TRAF1: variants seen among roughly 807,000 people sequenced by gnomAD.
The protein encoded by TRAF1 is TNF receptor-associated factor 1.
A neutral mutation model predicts 40.9 loss-of-function variants in TRAF1; 23 were observed. The observed-to-expected ratio is 0.56, with a 90% CI of 0.40 to 0.80. The LOEUF (loss-of-function observed/expected upper bound fraction) is 0.80, where lower values mean the gene tolerates loss of function less well. Ranked by LOEUF, TRAF1 falls within the 30% of genes least tolerant of loss-of-function variation. TRAF1 has a pLI of 0.00. For missense variants in TRAF1, 477 were observed against 528.7 expected (o/e 0.90, Z 0.96); for synonymous variants, 206 against 218.8 (o/e 0.94, Z 0.52).
In TRAF1 at chr9:120,911,460, C is replaced by T; in HGVS notation, c.759G>A (p.Leu253=). Residue 253 remains leucine (L), a synonymous_variant, in exon 6 of 8, where the codon CTG becomes CTA. Transcript: ENST00000373887. ...CCTCCATGAGGCGCAAGCTCTGCTC[C>T]AGCTTGCCCAGGGCCTGGTCTTTCT... ...LAQKDQALGK[L]EQSLRLMEEA... 6.2e-7 allele frequency: 1 copy of T among 1,613,470 alleles called. No individual in the cohort carries two copies.
At chr9:120,917,995 T>C (rs979137287) in intron 3 of TRAF1, among the ~76,000 whole-genome samples, 1 of 152,022 alleles carries the variant, frequency 6.6e-6, no homozygotes, top group Admixed American at 6.6e-5. Context: ...CCTAATGCAA[T>C]GTGACTGGTA....
intron 5 of TRAF1, among the ~76,000 whole-genome samples, chr9:120,912,011 G>C (rs550271394): frequency 1.3e-5 from 2 of 152,234 alleles, no homozygotes; most frequent in Non-Finnish European, 2.9e-5. Context: ...TAAAGCCTCA[G>C]CCACTCCAAC....
intron 3 of TRAF1, among the ~76,000 whole-genome samples, chr9:120,919,750 G>A (rs1208318363): frequency 6.6e-6 from 1 of 152,200 alleles, no homozygotes; most frequent in Non-Finnish European, 1.5e-5. Flanking sequence ...TGATTCTCCT[G>A]GTTGAACATA....
In TRAF1 at chr9:120,914,275, C is replaced by T. The variant is rs373237548; in HGVS notation, c.254G>A (p.Gly85Glu). 2.4e-5 allele frequency: 37 copies of T among 1,534,606 alleles called. No individual in the cohort carries two copies. The Admixed American group carries it at 5.1e-4, about 21-fold the overall frequency. ...EKAHPEVAEA[G>E]IGCPFAGVGC... ...GACACCTGCAAAGGGGCACCCAATT[C>T]CAGCCTCAGCCACCTCGGGGTGAGC... The change falls in exon 4 of 8, where the codon GGA (glycine) becomes GAA (glutamate). Residue 85 changes from glycine (G) to glutamate (E), a missense_variant. Physicochemically the swap from Gly to Glu is moderately conservative, Grantham distance 98. Transcript: ENST00000373887.
At chr9:120,919,974 G>A (rs1241663766) in intron 3 of TRAF1, among the ~76,000 whole-genome samples, 1 of 152,152 alleles carries the variant, frequency 6.6e-6, no homozygotes, top group Admixed American at 6.5e-5. Context: ...TCCTCATGGA[G>A]CCTCAAAATA....
intron 3 of TRAF1, among the ~76,000 whole-genome samples, chr9:120,917,676 G>A (rs925234590): frequency 1.3e-5 from 2 of 152,130 alleles, no homozygotes; most frequent in Non-Finnish European, 2.9e-5. Flanking sequence ...GCTTCTCAGG[G>A]CTGCCTGCAC....
intron 6 of TRAF1, 67 bp from the exon 7 acceptor site, chr9:120,909,445 T>A: frequency 6.3e-7 from 1 of 1,575,406 alleles, no homozygotes; most frequent in Admixed American, 1.7e-5. Flanking sequence ...TGGGATCCAG[T>A]GGTCAGGCAT....
chr9:120,913,429 C>A lies in TRAF1; in HGVS notation c.604G>T (p.Ala202Ser). The change falls in exon 5 of 8, where the codon GCT becomes TCT. Residue 202 changes from alanine to serine, a missense_variant. Ala to Ser is a moderately conservative substitution (Grantham distance 99). Transcript: ENST00000373887. ...GKLRVFENIV[A>S]VLNKEVEASH... Reference sequence around the variant, plus strand: ...GCCTCCACCTCCTTGTTGAGGACAGCAACAATGTTCTCAAACACACGCAGC... The same window carrying A: ...GCCTCCACCTCCTTGTTGAGGACAGAAACAATGTTCTCAAACACACGCAGC... 1 of 1,613,990 alleles carries A rather than the reference C, an allele frequency of 6.2e-7. No homozygotes were observed. The highest frequency in any genetic ancestry group is 8.5e-7 in the Non-Finnish European group (1 of 1,180,036).
At chr9:120,909,198 C>T (rs1588148330) in intron 7 of TRAF1, 32 bp downstream of exon 7, 26 of 1,605,908 alleles carry the variant, frequency 1.6e-5, no homozygotes, top group Non-Finnish European at 2.2e-5. Context: ...TCCATGCTCC[C>T]CACCTTACCC....
At chr9:120,920,686 C>T (rs2046599130) in intron 3 of TRAF1, among the ~76,000 whole-genome samples, 1 of 152,240 alleles carries the variant, frequency 6.6e-6, no homozygotes, top group Admixed American at 6.5e-5. Flanking sequence ...CCTCTAATAT[C>T]TGCTTCTTAC....
Position 120,911,512 on chromosome 9 carries a change from A to G in TRAF1, c.707T>C (p.Val236Ala). The G allele has an allele frequency of 3.1e-6, 5 of 1,609,314 alleles. No homozygotes were observed. Among genetic ancestry groups the G allele is most frequent in the Non-Finnish European group, 4.2e-6 (5 of 1,177,024 alleles). Reference protein sequence around the residue: ...RERILSLEQRVVELQQTLAQK... With the variant: ...RERILSLEQRAVELQQTLAQK... ...GGCCAGGGTCTGCTGAAGCTCCACC[A>G]CCTGTAGGGAAGACTGTTCAGCCAG... The change falls in exon 6 of 8, where the codon GTG becomes GCG. Residue 236 changes from valine to alanine, a missense_variant and splice_region_variant. Coordinates refer to ENST00000373887, the MANE Select transcript of TRAF1 (RefSeq NM_005658.5).
In TRAF1 at chr9:120,904,782, G is replaced by A. The variant is rs567353033; in HGVS notation, c.*238C>T. ...CTGGCCTCCCAGTGTCGCATGGTCC[G>A]TGCAGAGGGGAGCAGCTCTGCCTGT... is the stretch of plus-strand genomic sequence containing the variant. On this transcript the variant is annotated 3_prime_UTR_variant, in exon 8 of 8. Transcript: ENST00000373887. The A allele has an allele frequency of 6.2e-4, 349 of 566,662 alleles. 1 individual carries two copies. The highest frequency in any genetic ancestry group is 9.4e-4 in the Non-Finnish European group (297 of 316,334). 35.1% of individuals were successfully genotyped at this position (566,662 alleles called of 1,614,324 possible).
In TRAF1 at chr9:120,919,401, GC is replaced by G. The variant is rs376296614; in HGVS notation, c.228+4303del. Among the ~76,000 whole-genome samples, 995 of 152,308 alleles carry G rather than the reference GC, an allele frequency of 6.5e-3. 11 individuals are homozygous for G. Among genetic ancestry groups the G allele is most frequent in the Non-Finnish European group, 7.9e-3 (538 of 68,018 alleles). On this transcript the variant is annotated intron_variant, in intron 3 of 7. Coordinates refer to ENST00000373887, the MANE Select transcript of TRAF1 (RefSeq NM_005658.5). ...TGTGGTGGGGTCACAGTGGGCCCTA[GC>G]GGGGGGCCCCATTCTGAGACCTGGG...
intron 5 of TRAF1, 88 bp from the exon 6 acceptor site, chr9:120,911,601 A>G: frequency 6.7e-7 from 1 of 1,494,626 alleles, no homozygotes; most frequent in Non-Finnish European, 9.1e-7. Context: ...GATCTGCCCC[A>G]GATGTGTTTT....
chr9:120,912,613 G>A (rs1468060789), intron 5 of TRAF1, among the ~76,000 whole-genome samples: 5 of 151,572 alleles, frequency 3.3e-5, no homozygotes, highest in African/African-American at 7.3e-5. Flanking sequence ...CCAAGATCAC[G>A]CCACTGCACT....
chr9:120,910,880 G>A (rs1328732853), intron 6 of TRAF1, among the ~76,000 whole-genome samples: 5 of 152,194 alleles, frequency 3.3e-5, no homozygotes, highest in Non-Finnish European at 5.9e-5. Context: ...ATACACAAGT[G>A]CATGTGTCTT....
chr9:120,906,923 C>T (rs989022037), intron 7 of TRAF1, among the ~76,000 whole-genome samples: 2 of 152,180 alleles, frequency 1.3e-5, no homozygotes, highest in Non-Finnish European at 2.9e-5. Flanking sequence ...GGCTGGAGTA[C>T]AGTGGCGCGA....
chr9:120,927,026 G>C (rs992568914), upstream of TRAF1: 3 of 152,228 alleles, frequency 2.0e-5, no homozygotes, highest in Non-Finnish European at 4.4e-5. Flanking sequence ...AATGTGTACT[G>C]TGTGCTGGGC....
intron 3 of TRAF1, among the ~76,000 whole-genome samples, chr9:120,920,621 C>T (rs2046598717): frequency 6.6e-6 from 1 of 152,214 alleles, no homozygotes; most frequent in Admixed American, 6.5e-5. Context: ...ACTGTCACTT[C>T]TACAGGAAGA....
Sources: allele counts gnomAD v4.1 joint callset (sites outside exome capture counted in the v4.1 genomes callset), GRCh38; gene constraint gnomAD v4.1.1; transcripts MANE v1.5; gene names NCBI Gene and HGNC (gene_info 2026-07-23, HGNC 2026-07-21).